The following ZFTA variants were observed in gnomAD, a reference collection of about 807,000 sequenced individuals.
ZFTA encodes zinc finger translocation-associated protein.
In ZFTA, 35 loss-of-function variants were observed where a neutral mutation model predicts 41.8. The observed-to-expected ratio is 0.84, with a 90% CI of 0.64 to 1.11. ZFTA has a LOEUF of 1.11. Ranked by LOEUF, ZFTA falls within the 50% of genes most tolerant of loss-of-function variation. The pLI is 0.00. For missense variants in ZFTA, 964 were observed against 989.8 expected, an observed-to-expected ratio of 0.97 and a Z score of 0.35; for synonymous variants, 514 against 436.4, an observed-to-expected ratio of 1.18 and a Z score of -2.22.
Position 63,764,379 on chromosome 11 carries a change from C to G in ZFTA, c.1244G>C (p.Arg415Pro). Residue 415 changes from arginine to proline, a missense_variant, in exon 4 of 5, where the codon CGC (arginine) becomes CCC (proline). Transcript: ENST00000433688. ...PGRSPRGRAH[R>P]RHPQERWRLE... ...CCGCCAGCGCTCCTGGGGGTGGCGG[C>G]GGTGGGCGCGGCCCCGCGGCGACCG... 1 of 1,308,528 alleles carries G rather than the reference C, an allele frequency of 7.6e-7. No individual in the cohort carries two copies. Among genetic ancestry groups the G allele is most frequent in the Non-Finnish European group, 9.7e-7 (1 of 1,032,940 alleles). The allele number at this position is 1,308,528 out of a possible 1,614,324, so 81.1% of individuals were successfully genotyped here.
rs1157219290 is a variant in ZFTA at position 63,762,102 on chromosome 11, G to A, written c.*1316C>T. ...TGTGAAGAGCAGACAGTAGGGCCCG[G>A]AGTCTCCCAGCGGGATTAACATCAG... is the stretch of plus-strand genomic sequence containing the variant. On this transcript the variant is annotated 3_prime_UTR_variant, in exon 5 of 5. Coordinates refer to ENST00000433688, the MANE Select transcript of ZFTA (RefSeq NM_001144936.2). 1.3e-5 allele frequency: 2 copies of A among 152,292 alleles called. No individual in the cohort carries two copies. Among genetic ancestry groups the A allele is most frequent in the Non-Finnish European group, 2.9e-5 (2 of 68,132 alleles). The allele number at this position is 152,292 out of a possible 1,614,324, so 9.4% of individuals were successfully genotyped here. A position where few individuals can be genotyped will look rare whatever the true frequency, so the allele number is the denominator to read the frequency against.
At position 63,768,411 on chromosome 11, in the gene ZFTA, A is replaced by T. The variant is rs1475365295; in HGVS notation, c.139+73T>A. 8.8e-6 allele frequency: 8 copies of T among 904,438 alleles called. No individual in the cohort carries two copies. In the African/African-American group the frequency reaches 9.2e-5, roughly 10 times the overall value. The allele number at this position is 904,438 out of a possible 1,614,324, so 56.0% of individuals were successfully genotyped here. On this transcript the variant is annotated intron_variant, in intron 1 of 4. Transcript: ENST00000433688. Reference sequence around the variant, plus strand: ...TCCCCCGCTTTGTTCGGCGGCGGAGAGGGGCCCCGAGCCGCAGCCCTCCCT... The same window carrying T: ...TCCCCCGCTTTGTTCGGCGGCGGAGTGGGGCCCCGAGCCGCAGCCCTCCCT...
In ZFTA at chr11:63,762,300, G is replaced by A. The variant is rs1168551069; in HGVS notation, c.*1118C>T. The A allele has an allele frequency of 6.6e-6, 1 of 152,152 alleles. No individual in the cohort carries two copies. The highest frequency in any genetic ancestry group is 2.4e-5 in the African/African-American group (1 of 41,362). The allele number at this position is 152,152 out of a possible 1,614,324, so 9.4% of individuals were successfully genotyped here. A position where few individuals can be genotyped will look rare whatever the true frequency, so the allele number is the denominator to read the frequency against. On this transcript the variant is annotated 3_prime_UTR_variant, in exon 5 of 5. Transcript: ENST00000433688. ...CCGCCCCTCCCCCTTTCATATAAAA[G>A]CATTAAATACAGTTTCAAAATAAAA... is the stretch of plus-strand genomic sequence containing the variant.
rs2014674888 is a variant in ZFTA, at chr11:63,763,120, G to A, written c.*298C>T. 5.9e-6 allele frequency: 1 copy of A among 170,154 alleles called. No individual in the cohort carries two copies. The highest frequency in any genetic ancestry group is 1.3e-5 in the Non-Finnish European group (1 of 79,104). 10.5% of individuals were successfully genotyped at this position (170,154 alleles called of 1,614,324 possible). On this transcript the variant is annotated 3_prime_UTR_variant, in exon 5 of 5. Transcript: ENST00000433688. ...GGAGCGCTCGGCGCTAACACGTGGA[G>A]GCCACTGAGGATTCTCGGAAAACGT...
chr11:63,764,403 C>A lies in ZFTA; in HGVS notation c.1220G>T (p.Arg407Leu). 3.1e-6 allele frequency: 4 copies of A among 1,280,218 alleles called. No individual in the cohort carries two copies. The South Asian group carries it at 1.1e-4, about 34-fold the overall frequency. The allele number at this position is 1,280,218 out of a possible 1,614,324, so 79.3% of individuals were successfully genotyped here. ...GCGGTGGGCGCGGCCCCGCGGCGACCGGCCCGGGACCCCCGCCCTCTCGCC... is the reference window on the plus strand; with the variant it reads ...GCGGTGGGCGCGGCCCCGCGGCGACAGGCCCGGGACCCCCGCCCTCTCGCC... ...GEGERAGVPGRSPRGRAHRRH... is the reference protein window; with the variant it reads ...GEGERAGVPGLSPRGRAHRRH... The change falls in exon 4 of 5, where the codon CGG becomes CTG. Residue 407 changes from arginine (R) to leucine (L), a missense_variant. Transcript: ENST00000433688.
In ZFTA at chr11:63,763,656, A is replaced by T; in HGVS notation, c.1799T>A (p.Leu600Gln). 6.5e-7 allele frequency: 1 copy of T among 1,544,518 alleles called. No homozygotes were observed. The highest frequency in any genetic ancestry group is 8.7e-7 in the Non-Finnish European group (1 of 1,144,020). ...CGCGCCCCCGCACACCATACACACC[A>T]GGCCGCGCCGGCTGCCGTCGTAGTC... ...LMDYDGSRRG[L>Q]VCMVCGGALA... Residue 600 changes from leucine (L) to glutamine (Q), a missense_variant, in exon 5 of 5, where the codon CTG becomes CAG. This residue lies in a region of ZFTA where 63 missense variants were observed against 97.8 expected (regional missense o/e 0.64). Coordinates refer to ENST00000433688, the MANE Select transcript of ZFTA (RefSeq NM_001144936.2).
intron 1 of ZFTA, among the ~76,000 whole-genome samples, chr11:63,768,060 T>A (rs2014774763): frequency 2.6e-5 from 4 of 151,920 alleles, no homozygotes; most frequent in Admixed American, 2.6e-4. Flanking sequence ...TGAGCTCAGC[T>A]CCGCTGGGGA....
Position 63,765,767 on chromosome 11 carries a change from A to G in ZFTA, c.637+40T>C. The G allele has an allele frequency of 7.0e-7, 1 of 1,436,662 alleles. No individual in the cohort carries two copies. The highest frequency in any genetic ancestry group is 1.5e-5 in the South Asian group (1 of 67,154). The allele number at this position is 1,436,662 out of a possible 1,614,324, so 89.0% of individuals were successfully genotyped here. On this transcript the variant is annotated intron_variant, in intron 2 of 4. Coordinates refer to ENST00000433688, the MANE Select transcript of ZFTA (RefSeq NM_001144936.2). This position sits in a 1 kb window ranked among gnomAD's most constrained non-coding sequence, Gnocchi z 4.0. The stretch of plus-strand genomic sequence containing the variant: ...GCTGGCCCACTGTGCCCCACTGGCC[A>G]CCCAGGCCCCTGCCTGTACAGAATC...
intron 1 of ZFTA, among the ~76,000 whole-genome samples, chr11:63,767,810 CA>C (rs199656025): frequency 4.6e-5 from 7 of 150,566 alleles, no homozygotes; most frequent in Non-Finnish European, 7.4e-5. Context: ...CAAATTAGGG[CA>C]AAAAAAAATT....
chr11:63,768,550 C>A lies in ZFTA; in HGVS notation c.73G>T (p.Ala25Ser). Residue 25 changes from alanine to serine, a missense_variant, in exon 1 of 5, where the codon GCA becomes TCA. Ala to Ser is a moderately conservative substitution (Grantham distance 99). Coordinates refer to ENST00000433688, the MANE Select transcript of ZFTA (RefSeq NM_001144936.2). ...GCGGGCGGCAGCCGTCGGCCCCGTG[C>A]CGAGGCCACTGCTGGCCCGGGGCCG... The part of the protein sequence containing the change: ...RGGPGPAVAS[A>S]RGRRLPPAGS... 1.8e-6 allele frequency: 2 copies of A among 1,132,932 alleles called. No individual in the cohort carries two copies. Among genetic ancestry groups the A allele is most frequent in the Non-Finnish European group, 2.2e-6 (2 of 923,076 alleles). The allele number at this position is 1,132,932 out of a possible 1,614,324, so 70.2% of individuals were successfully genotyped here. A position where few individuals can be genotyped will look rare whatever the true frequency, so the allele number is the denominator to read the frequency against.
intron 1 of ZFTA, among the ~76,000 whole-genome samples, chr11:63,767,788 C>A (rs1397309108): frequency 1.3e-5 from 2 of 151,926 alleles, no homozygotes; most frequent in South Asian, 4.2e-4. Context: ...TGGTTGGTTC[C>A]GCTAGAGCTG....
rs1336927565 is a variant in ZFTA, at chr11:63,763,488, A to C, written c.1967T>G (p.Phe656Cys). Residue 656 changes from phenylalanine to cysteine, a missense_variant, in exon 5 of 5, where the codon TTC becomes TGC. This residue lies in a region of ZFTA where 65 missense variants were observed against 58.9 expected (regional missense o/e 1.10). Coordinates refer to ENST00000433688, the MANE Select transcript of ZFTA (RefSeq NM_001144936.2). ...ACGCGGCGCCGGGGCGGGCGGCCCG[A>C]AGCCCTCGTGGCCGTAGCAGCGCAG... ...AALRCYGHEG[F>C]GPPAPAPRDG... The C allele has an allele frequency of 6.6e-7, 1 of 1,524,650 alleles. No individual in the cohort carries two copies. The highest frequency in any genetic ancestry group is 8.8e-7 in the Non-Finnish European group (1 of 1,133,662). 94.4% of individuals were successfully genotyped at this position (1,524,650 alleles called of 1,614,324 possible). A position where few individuals can be genotyped will look rare whatever the true frequency, so the allele number is the denominator to read the frequency against.
chr11:63,767,290 G>A (rs1483479462), intron 1 of ZFTA: 2 of 152,240 alleles, frequency 1.3e-5, no homozygotes, highest in Non-Finnish European at 2.9e-5. Context: ...GAATCACAGG[G>A]TTGGGAAAAC....
Position 63,768,464 on chromosome 11 carries a change from C to T in ZFTA, c.139+20G>A. On this transcript the variant is annotated intron_variant, in intron 1 of 4. Coordinates refer to ENST00000433688, the MANE Select transcript of ZFTA (RefSeq NM_001144936.2). ...CCCCACGCCGGGGCCCCCGCCCGGGCCGCCGGCCCCAGCTCTTACCGCCTT... is the reference window on the plus strand; with the variant it reads ...CCCCACGCCGGGGCCCCCGCCCGGGTCGCCGGCCCCAGCTCTTACCGCCTT... 1.8e-6 allele frequency: 2 copies of T among 1,116,210 alleles called. No homozygotes were observed. Among genetic ancestry groups the T allele is most frequent in the Non-Finnish European group, 1.1e-6 (1 of 911,362 alleles). The allele number at this position is 1,116,210 out of a possible 1,614,324, so 69.1% of individuals were successfully genotyped here. A position where few individuals can be genotyped will look rare whatever the true frequency, so the allele number is the denominator to read the frequency against.
Position 63,762,275 on chromosome 11 carries a change from C to T in ZFTA, c.*1143G>A, listed in dbSNP as rs949251640. 3 of 152,268 alleles carry T rather than the reference C, an allele frequency of 2.0e-5. No individual in the cohort carries two copies. The highest frequency in any genetic ancestry group is 3.1e-3 in the Middle Eastern group (1 of 318). The allele number at this position is 152,268 out of a possible 1,614,324, so 9.4% of individuals were successfully genotyped here. A position where few individuals can be genotyped will look rare whatever the true frequency, so the allele number is the denominator to read the frequency against. On this transcript the variant is annotated 3_prime_UTR_variant, in exon 5 of 5. Transcript: ENST00000433688. ...AAGGGTGACTGGGTCAGCTCTGTCC[C>T]CGCCCCTCCCCCTTTCATATAAAAG... is the stretch of plus-strand genomic sequence containing the variant.
At chr11:63,763,967 A>C (rs1384643614) in intron 4 of ZFTA, 71 bp downstream of exon 4, 3 of 1,321,070 alleles carry the variant, frequency 2.3e-6, no homozygotes, top group East Asian at 5.8e-5. Context: ...CTTCTATCCC[A>C]TCCTCCAGTC....
rs2014643337 is a variant in ZFTA at position 63,761,821 on chromosome 11, TA to T, written c.*1596del. Reference sequence around the variant, plus strand: ...GACTGGGCCTGAGGCACTTGAACCTTAGGCTCTGGCCTGGGGGTCAGGGATG... The same window carrying T: ...GACTGGGCCTGAGGCACTTGAACCTTGGCTCTGGCCTGGGGGTCAGGGATG... On this transcript the variant is annotated 3_prime_UTR_variant, in exon 5 of 5. Coordinates refer to ENST00000433688, the MANE Select transcript of ZFTA (RefSeq NM_001144936.2). The T allele has an allele frequency of 6.6e-6, 1 of 152,288 alleles. No individual in the cohort carries two copies. Among genetic ancestry groups the T allele is most frequent in the Non-Finnish European group, 1.5e-5 (1 of 68,096 alleles). 9.4% of individuals were successfully genotyped at this position (152,288 alleles called of 1,614,324 possible).
Position 63,764,490 on chromosome 11 carries a change from G to A in ZFTA, c.1133C>T (p.Ala378Val). ...CCCGGGCCTCTCAGGGACCCAGCCA[G>A]CCTCTTCCTTTACGTCTGGGGGGCT... The part of the protein sequence containing the change: ...DLSPPDVKEE[A>V]GWVPERPGPA... The change falls in exon 4 of 5, where the codon GCT (alanine) becomes GTT (valine). Residue 378 changes from alanine to valine, a missense_variant. Physicochemically the swap from Ala to Val is moderately conservative, Grantham distance 64. Coordinates refer to ENST00000433688, the MANE Select transcript of ZFTA (RefSeq NM_001144936.2). 7.9e-7 allele frequency: 1 copy of A among 1,259,068 alleles called. No individual in the cohort carries two copies. The highest frequency in any genetic ancestry group is 1.0e-6 in the Non-Finnish European group (1 of 996,970). 78.0% of individuals were successfully genotyped at this position (1,259,068 alleles called of 1,614,324 possible). A position where few individuals can be genotyped will look rare whatever the true frequency, so the allele number is the denominator to read the frequency against.
At chr11:63,768,006 G>A (rs1303040920) in intron 1 of ZFTA, among the ~76,000 whole-genome samples, 4 of 152,122 alleles carry the variant, frequency 2.6e-5, no homozygotes, top group Non-Finnish European at 5.9e-5. Context: ...ACAAGGCCAC[G>A]AGACGAGAGG....
Sources: gnomAD v4.1 joint callset for allele counts (sites outside exome capture counted in the v4.1 genomes callset) on GRCh38, gnomAD v4.1.1 for gene constraint, gnomAD v4.1.1 regional missense constraint, Gnocchi (gnomAD v3.1) non-coding constraint, MANE v1.5 for transcripts, NCBI Gene and HGNC (gene_info 2026-07-23, HGNC 2026-07-21) for gene names.